TEK: variants seen among roughly 807,000 people sequenced by gnomAD.
TEK encodes TEK receptor tyrosine kinase, also known as angiopoietin-1 receptor.
In TEK, 43 loss-of-function variants were observed where a neutral mutation model predicts 131.8. That is an observed-to-expected ratio of 0.33 (90% CI 0.26 to 0.42). The LOEUF is 0.42. Among genes scored for constraint, TEK ranks in the 10% least tolerant of loss-of-function variants. TEK has a pLI of 1.00. For missense variants in TEK, 1,162 were observed against 1,384.4 expected, an observed-to-expected ratio of 0.84 and a Z score of 2.55; for synonymous variants, 580 against 491.6, an observed-to-expected ratio of 1.18 and a Z score of -2.38.
chr9:27,147,909 A>G (rs1483443885), intron 1 of TEK, among the ~76,000 whole-genome samples: 1 of 152,244 alleles, frequency 6.6e-6, no homozygotes, highest in Non-Finnish European at 1.5e-5. Context: ...GAGTGAAACC[A>G]GTCCACCTAA....
intron 2 of TEK, among the ~76,000 whole-genome samples, chr9:27,159,078 T>G (rs1823449383): frequency 6.6e-6 from 1 of 152,218 alleles, no homozygotes; most frequent in African/African-American, 2.4e-5. Context: ...ATTAGATGGA[T>G]GTATTGACCT....
intron 1 of TEK, among the ~76,000 whole-genome samples, chr9:27,150,465 G>A (rs890906741): frequency 2.0e-5 from 3 of 152,010 alleles, no homozygotes; most frequent in Admixed American, 2.0e-4. Flanking sequence ...AAGATTAGCT[G>A]GGGGGAGGGG....
intron 1 of TEK, among the ~76,000 whole-genome samples, chr9:27,113,966 C>G (rs1054551318): frequency 6.6e-6 from 1 of 152,188 alleles, no homozygotes; most frequent in Admixed American, 6.5e-5. Context: ...TTCATCTCTA[C>G]TCTGCAAACA....
intron 10 of TEK, among the ~76,000 whole-genome samples, chr9:27,191,177 T>A (rs750544497): frequency 2.0e-5 from 3 of 152,044 alleles, no homozygotes; most frequent in Non-Finnish European, 4.4e-5. Context: ...CACAGAGAGA[T>A]TTTTGAAGGA....
At chr9:27,136,459 CT>C (rs1339028106) in intron 1 of TEK, among the ~76,000 whole-genome samples, 3 of 152,044 alleles carry the variant, frequency 2.0e-5, no homozygotes, top group Non-Finnish European at 2.9e-5. Context: ...ACTCTTATGC[CT>C]CTCTGTTCAA....
intron 21 of TEK, among the ~76,000 whole-genome samples, chr9:27,224,070 G>T (rs142371248): frequency 7.0e-4 from 106 of 152,260 alleles, no homozygotes; most frequent in African/African-American, 2.5e-3. Flanking sequence ...GGAAGAAGTC[G>T]AATCCCAGTC....
intron 22 of TEK, 94 bp downstream of exon 22, chr9:27,228,399 T>G: frequency 1.0e-6 from 1 of 977,034 alleles, no homozygotes; most frequent in Admixed American, 1.9e-5. Flanking sequence ...GAAGAAGTTC[T>G]TCTTGGCATG....
intron 12 of TEK, among the ~76,000 whole-genome samples, chr9:27,201,009 G>A (rs141596665): frequency 8.2e-4 from 125 of 152,242 alleles, no homozygotes; most frequent in Middle Eastern, 3.4e-3. Flanking sequence ...TGTCTCTTTG[G>A]ATGGGCGACC....
chr9:27,183,381 A>C, intron 7 of TEK, 78 bp from the exon 8 acceptor site: 1 of 1,500,020 alleles, frequency 6.7e-7, no homozygotes. Flanking sequence ...TGACTTACTA[A>C]AGTAGCTATT....
In TEK at chr9:27,167,590, C is replaced by G. The variant is rs533345628; in HGVS notation, c.365-905C>G. Among the ~76,000 whole-genome samples the G allele has an allele frequency of 2.6e-5, 4 of 152,238 alleles. No homozygotes were observed. In the East Asian group the frequency reaches 7.7e-4, roughly 29 times the overall value. On this transcript the variant is annotated intron_variant, in intron 2 of 22. Transcript: ENST00000380036. ...TTCCCAGTTACATGTCAGTACTGTCCAGTTCCATAACTGTGTCAGTTCATA... is the reference window on the plus strand; with the variant it reads ...TTCCCAGTTACATGTCAGTACTGTCGAGTTCCATAACTGTGTCAGTTCATA...
intron 1 of TEK, among the ~76,000 whole-genome samples, chr9:27,147,236 A>C (rs1822964855): frequency 6.6e-6 from 1 of 152,014 alleles, no homozygotes; most frequent in Admixed American, 6.6e-5. Flanking sequence ...GGGTATTATC[A>C]GGTTTTCTTT....
At chr9:27,173,843 T>A (rs1824061954) in intron 6 of TEK, among the ~76,000 whole-genome samples, 2 of 146,870 alleles carry the variant, frequency 1.4e-5, no homozygotes, top group Admixed American at 7.1e-5. Context: ...GGCAGGAGGA[T>A]CCCTTGAGCC....
chr9:27,183,480 A>C lies in TEK; in HGVS notation c.1052A>C (p.Lys351Thr). ...TCAGGCATACAGAGGATGACCCCAA[A>C]GATAGTGGATTTGCCAGATCATATA... ...EREGIQRMTP[K>T]IVDLPDHIEV... The change falls in exon 8 of 23, where the codon AAG becomes ACG. Residue 351 changes from lysine to threonine, a missense_variant. By Grantham distance (78) the Lys-to-Thr change is moderately conservative (BLOSUM62 -1). Transcript: ENST00000380036. 4 of 1,613,864 alleles carry C rather than the reference A, an allele frequency of 2.5e-6. No individual in the cohort carries two copies. Among genetic ancestry groups the C allele is most frequent in the Non-Finnish European group, 3.4e-6 (4 of 1,179,814 alleles).
chr9:27,177,419 A>AT (rs1353356359), intron 6 of TEK, among the ~76,000 whole-genome samples: 3 of 152,190 alleles, frequency 2.0e-5, no homozygotes, highest in South Asian at 4.1e-4. Context: ...GAGGTTGAGT[A>AT]TTTTTCATAG....
intron 1 of TEK, among the ~76,000 whole-genome samples, chr9:27,156,605 G>C (rs1823341148): frequency 6.6e-6 from 1 of 152,114 alleles, no homozygotes; most frequent in South Asian, 2.1e-4. Flanking sequence ...AAAGACCAGT[G>C]AGCATTTGAA....
At chr9:27,189,825 A>T (rs552380888) in intron 9 of TEK, among the ~76,000 whole-genome samples, 1 of 151,450 alleles carries the variant, frequency 6.6e-6, no homozygotes, top group South Asian at 2.1e-4. Flanking sequence ...TTCTAGAACT[A>T]TAATAAATTT....
At chr9:27,166,585 A>G (rs919546189) in intron 2 of TEK, among the ~76,000 whole-genome samples, 10 of 152,218 alleles carry the variant, frequency 6.6e-5, no homozygotes, top group Non-Finnish European at 1.5e-4. Context: ...TTACATAATG[A>G]CCATCTATAT....
intron 6 of TEK, 35 bp from the exon 7 acceptor site, chr9:27,180,205 G>T: frequency 6.2e-7 from 1 of 1,613,088 alleles, no homozygotes; most frequent in Non-Finnish European, 8.5e-7. Flanking sequence ...TCTTCCCCTG[G>T]ATTAATACTG....
intron 2 of TEK, 42 bp from the exon 3 acceptor site, chr9:27,168,453 G>T: frequency 1.3e-6 from 2 of 1,499,908 alleles, no homozygotes; most frequent in Non-Finnish European, 1.9e-6. Flanking sequence ...TGGAGAAAAT[G>T]TGTGATCCCA....
Sources: allele counts gnomAD v4.1 joint callset (sites outside exome capture counted in the v4.1 genomes callset), GRCh38; gene constraint gnomAD v4.1.1; transcripts MANE v1.5; gene names NCBI Gene and HGNC (gene_info 2026-07-23, HGNC 2026-07-21).